Variants in ERC1 observed in about 807,000 individuals in gnomAD.
ERC1 encodes the protein ELKS/RAB6-interacting/CAST family member 1.
ERC1 carries 56 observed loss-of-function variants against 132.0 expected under a neutral mutation model. That is an observed-to-expected ratio of 0.42 (90% CI 0.34 to 0.53). ERC1 has a LOEUF of 0.53. Ranked by LOEUF, ERC1 falls within the 20% of genes least tolerant of loss-of-function variation. The probability of loss-of-function intolerance (pLI) is 0.03; values close to 1 mark genes in which losing one functional copy is unlikely to be tolerated. For missense variants in ERC1, 1,202 were observed against 1,349.9 expected (o/e 0.89, Z 1.72); for synonymous variants, 478 against 476.1 (o/e 1.00, Z -0.05).
intron 13 of ERC1, among the ~76,000 whole-genome samples, chr12:1,261,210 T>A (rs1248038603): frequency 1.3e-5 from 2 of 152,218 alleles, no homozygotes; most frequent in Non-Finnish European, 2.9e-5. Context: ...ATTAACTGTT[T>A]GAGCCTCAAT....
intron 17 of ERC1, among the ~76,000 whole-genome samples, chr12:1,409,281 C>CA (rs1362994063): frequency 2.0e-5 from 3 of 152,202 alleles, no homozygotes; most frequent in Admixed American, 2.0e-4. Context: ...CTGGTGTCAG[C>CA]AGTCTTTCCC....
chr12:1,104,617 G>T, intron 3 of ERC1, 133 bp from the exon 4 acceptor site: 1 of 650,970 alleles, frequency 1.5e-6, no homozygotes, highest in East Asian at 2.6e-5. Context: ...ACAGGGAAAG[G>T]TTGGTAACAC....
rs1043652757 is a variant in ERC1, at chr12:1,272,480, T to G, written c.2619+9315T>G. The stretch of plus-strand genomic sequence containing the variant: ...GTCCTCTCCCCAATCTGGTCTCATA[T>G]TCTAGAAGTTGTAGATTTGCATCAA... On this transcript the variant is annotated intron_variant, in intron 14 of 18. Coordinates refer to ENST00000360905, the MANE Select transcript of ERC1 (RefSeq NM_178040.4). Among the ~76,000 whole-genome samples, 4 of 152,350 alleles carry G rather than the reference T, an allele frequency of 2.6e-5. No homozygotes were observed. In the East Asian group the frequency reaches 7.7e-4, roughly 29 times the overall value.
chr12:1,273,821 T>C (rs1278960761), intron 14 of ERC1, among the ~76,000 whole-genome samples: 1 of 152,204 alleles, frequency 6.6e-6, no homozygotes, highest in African/African-American at 2.4e-5. Flanking sequence ...ACATAGTTAG[T>C]AGATACTAGT....
intron 15 of ERC1, among the ~76,000 whole-genome samples, chr12:1,296,113 G>A (rs147320545): frequency 1.3e-5 from 2 of 151,752 alleles, no homozygotes; most frequent in African/African-American, 4.8e-5. Flanking sequence ...ACAGAGAAAG[G>A]AAAAGTATTT....
intron 15 of ERC1, among the ~76,000 whole-genome samples, chr12:1,312,998 T>C (rs1371058032): frequency 6.6e-6 from 1 of 152,096 alleles, no homozygotes; most frequent in African/African-American, 2.4e-5. Flanking sequence ...CAAAAGATGC[T>C]CCTATTGCAA....
chr12:1,345,561 G>A (rs2084373852), intron 15 of ERC1, among the ~76,000 whole-genome samples: 1 of 152,104 alleles, frequency 6.6e-6, no homozygotes, highest in Non-Finnish European at 1.5e-5. Flanking sequence ...TTGGGGTTAT[G>A]TTTTACAACA....
intron 15 of ERC1, among the ~76,000 whole-genome samples, chr12:1,313,695 T>TAA (rs2081481789): frequency 6.6e-6 from 1 of 151,884 alleles, no homozygotes; most frequent in African/African-American, 2.4e-5. Flanking sequence ...TTCTAAAATT[T>TAA]TTTTTTTTGC....
At chr12:1,172,555 G>T (rs1274391981) in intron 8 of ERC1, among the ~76,000 whole-genome samples, 1 of 152,098 alleles carries the variant, frequency 6.6e-6, no homozygotes, top group African/African-American at 2.4e-5. Flanking sequence ...ATATAAACCT[G>T]TTGGGTATCA....
intron 2 of ERC1, among the ~76,000 whole-genome samples, chr12:1,077,249 A>G (rs1299413580): frequency 6.6e-6 from 1 of 152,154 alleles, no homozygotes. Context: ...AAATATCTCT[A>G]GACTACATAG....
At chr12:1,144,373 C>A (rs1950132726) in intron 8 of ERC1, among the ~76,000 whole-genome samples, 1 of 152,022 alleles carries the variant, frequency 6.6e-6, no homozygotes, top group African/African-American at 2.4e-5. Context: ...GGACACTGTA[C>A]CCAATGTGTA....
At chr12:1,268,399 GA>G (rs1223760065) in intron 14 of ERC1, among the ~76,000 whole-genome samples, 4 of 152,174 alleles carry the variant, frequency 2.6e-5, no homozygotes, top group African/African-American at 9.7e-5. Context: ...CACTGAAAAT[GA>G]AAAGGTAATA....
intron 11 of ERC1, among the ~76,000 whole-genome samples, chr12:1,184,872 C>G (rs1954895050): frequency 6.6e-6 from 1 of 152,076 alleles, no homozygotes; most frequent in Admixed American, 6.5e-5. Context: ...CCTGCCTCAT[C>G]CTCTTGAAGA....
intron 18 of ERC1, among the ~76,000 whole-genome samples, chr12:1,447,325 C>G (rs1368099165): frequency 1.3e-5 from 2 of 152,024 alleles, no homozygotes; most frequent in African/African-American, 4.8e-5. Context: ...CAAAACCAGC[C>G]TGGGCAACAT....
At chr12:1,044,561 A>G (rs910945591) in intron 2 of ERC1, among the ~76,000 whole-genome samples, 1 of 152,222 alleles carries the variant, frequency 6.6e-6, no homozygotes, top group Admixed American at 6.5e-5. Flanking sequence ...GATAATATTT[A>G]TAAATTATGG....
At chr12:1,479,513 A>G (rs1362418645) in intron 18 of ERC1, among the ~76,000 whole-genome samples, 1 of 152,256 alleles carries the variant, frequency 6.6e-6, no homozygotes, top group Non-Finnish European at 1.5e-5. Context: ...GTGAAATAGC[A>G]GAAACTAAAT....
In ERC1 at chr12:1,493,548, A is replaced by AAAAAATATATATATAT. The variant is rs56939346; in HGVS notation, c.*3319_*3320insAAAATATATATATATA. Reference sequence around the variant, plus strand: ...ACTCCATTTAAAAAAAAAAAAAAAAAATATATATATATATATATATATATA... The same window carrying AAAAAATATATATATAT: ...ACTCCATTTAAAAAAAAAAAAAAAAAAAAAATATATATATATATATATATATATATATATATATATA... On this transcript the variant is annotated 3_prime_UTR_variant, in exon 19 of 19. Coordinates refer to ENST00000360905, the MANE Select transcript of ERC1 (RefSeq NM_178040.4). 3.7e-4 allele frequency: 5 copies of AAAAAATATATATATAT among 13,620 alleles called. No individual in the cohort carries two copies. The highest frequency in any genetic ancestry group is 6.6e-4 in the African/African-American group (3 of 4,562). The allele number at this position is 13,620 out of a possible 1,614,324, so 0.8% of individuals were successfully genotyped here.
At position 1,248,038 on chromosome 12, in the gene ERC1, C is replaced by T. The variant is rs921476085; in HGVS notation, c.2487+11134C>T. Among the ~76,000 whole-genome samples, 14 of 152,066 alleles carry T rather than the reference C, an allele frequency of 9.2e-5. 1 individual carries two copies. The highest frequency in any genetic ancestry group is 7.2e-4 in the Admixed American group (11 of 15,262). On this transcript the variant is annotated intron_variant, in intron 13 of 18. Coordinates refer to ENST00000360905, the MANE Select transcript of ERC1 (RefSeq NM_178040.4). ...AAAGGATGTAGCTAATCAAGTTGAT[C>T]GTTCTAAAGATTAGACTCAAATCCT...
intron 14 of ERC1, among the ~76,000 whole-genome samples, chr12:1,286,887 C>G (rs1005841795): frequency 6.6e-6 from 1 of 152,050 alleles, no homozygotes; most frequent in Admixed American, 6.6e-5. Flanking sequence ...TATTAAAGTT[C>G]TAAAAATATA....
Sources: gnomAD v4.1 joint callset for allele counts (sites outside exome capture counted in the v4.1 genomes callset) on GRCh38, gnomAD v4.1.1 for gene constraint, MANE v1.5 for transcripts, NCBI Gene and HGNC (gene_info 2026-07-23, HGNC 2026-07-21) for gene names.